Variants in C1orf21 observed in about 807,000 individuals in gnomAD.
The protein encoded by C1orf21 is uncharacterized protein C1orf21.
C1orf21 carries 3 observed loss-of-function variants against 18.7 expected under a neutral mutation model. That is an observed-to-expected ratio of 0.16 (90% confidence interval 0.07 to 0.42). The LOEUF (loss-of-function observed/expected upper bound fraction) is 0.42, where lower values mean the gene tolerates loss of function less well. Ranked by LOEUF, C1orf21 falls within the 10% of genes least tolerant of loss-of-function variation. The pLI, the probability that C1orf21 is intolerant of heterozygous loss-of-function variation, is 0.99. For missense variants in C1orf21, 104 were observed against 143.6 expected (o/e 0.72, Z 1.41); for synonymous variants, 41 against 46.4 (o/e 0.88, Z 0.47).
At chr1:184,411,050 C>T (rs1011263016) in intron 1 of C1orf21, among the ~76,000 whole-genome samples, 3 of 151,916 alleles carry the variant, frequency 2.0e-5, no homozygotes, top group East Asian at 1.9e-4. Flanking sequence ...GAAATAGTTC[C>T]GATTTGGAGA....
chr1:184,424,697 C>G (rs150194694), intron 1 of C1orf21, among the ~76,000 whole-genome samples: 49 of 152,214 alleles, frequency 3.2e-4, no homozygotes, highest in Non-Finnish European at 5.0e-4. Context: ...TATGCTAATA[C>G]TAAGATAGGG....
At chr1:184,451,135 C>G (rs951617084) in intron 1 of C1orf21, among the ~76,000 whole-genome samples, 3 of 152,190 alleles carry the variant, frequency 2.0e-5, no homozygotes, top group Non-Finnish European at 2.9e-5. Context: ...GCCTCGGCCT[C>G]CCAAACTGCT....
chr1:184,393,673 T>A (rs1382502680), intron 1 of C1orf21, among the ~76,000 whole-genome samples: 1 of 152,212 alleles, frequency 6.6e-6, no homozygotes, highest in Non-Finnish European at 1.5e-5. Flanking sequence ...AAAGGAAATA[T>A]CTTGATGATT....
At chr1:184,579,387 T>G (rs1277767134) in intron 3 of C1orf21, among the ~76,000 whole-genome samples, 3 of 124,548 alleles carry the variant, frequency 2.4e-5, no homozygotes, top group South Asian at 2.5e-4. Flanking sequence ...GGGTTTTTTT[T>G]TTTTTTTTTT....
chr1:184,425,258 T>C (rs1161485980), intron 1 of C1orf21, among the ~76,000 whole-genome samples: 1 of 150,612 alleles, frequency 6.6e-6, no homozygotes, highest in Admixed American at 6.6e-5. Context: ...TTGATGATAA[T>C]CCTGATATCT....
intron 2 of C1orf21, among the ~76,000 whole-genome samples, chr1:184,490,382 G>A (rs1256810493): frequency 2.0e-5 from 3 of 152,228 alleles, no homozygotes; most frequent in African/African-American, 7.2e-5. Context: ...CTTGTAAAGA[G>A]GATGATTAAA....
At chr1:184,581,999 G>A (rs1391429080) in intron 3 of C1orf21, among the ~76,000 whole-genome samples, 2 of 152,158 alleles carry the variant, frequency 1.3e-5, no homozygotes, top group Non-Finnish European at 2.9e-5. Flanking sequence ...TGTAATGGAA[G>A]TATTGACTTC....
chr1:184,506,843 C>T (rs183209962), intron 2 of C1orf21, among the ~76,000 whole-genome samples: 148 of 152,096 alleles, frequency 9.7e-4, no homozygotes, highest in Middle Eastern at 3.4e-3. Flanking sequence ...CTGGCTGTTG[C>T]GGAGGCTAGG....
At chr1:184,398,285 G>A (rs2101955717) in intron 1 of C1orf21, among the ~76,000 whole-genome samples, 1 of 152,202 alleles carries the variant, frequency 6.6e-6, no homozygotes, top group East Asian at 1.9e-4. Flanking sequence ...ACCCACTACT[G>A]TTACCTCTTC....
At position 184,506,086 on chromosome 1, in the gene C1orf21, C is replaced by T. The variant is rs116578850; in HGVS notation, c.95-1502C>T. ...TATTGTAATTGTGGATCAGAATCTG[C>T]TGATTAACTTGTTAATATATTTAGG... is the stretch of plus-strand genomic sequence containing the variant. On this transcript the variant is annotated intron_variant, in intron 2 of 5. Transcript: ENST00000235307. 2.6e-3 allele frequency among the ~76,000 whole-genome samples: 401 copies of T among 152,192 alleles called. 1 individual carries two copies. The highest frequency in any genetic ancestry group is 9.2e-3 in the African/African-American group (382 of 41,534).
intron 1 of C1orf21, among the ~76,000 whole-genome samples, chr1:184,428,357 C>T (rs934199539): frequency 6.6e-6 from 1 of 152,140 alleles, no homozygotes; most frequent in Non-Finnish European, 1.5e-5. Flanking sequence ...CTTCAATGAA[C>T]AGCTGAGAAG....
chr1:184,608,208 A>G (rs1356075340), intron 5 of C1orf21, among the ~76,000 whole-genome samples: 3 of 152,216 alleles, frequency 2.0e-5, no homozygotes, highest in South Asian at 2.1e-4. Flanking sequence ...GTGGGAATAT[A>G]GTGTCTTTAC....
At chr1:184,396,222 A>T (rs1292133210) in intron 1 of C1orf21, among the ~76,000 whole-genome samples, 1 of 152,204 alleles carries the variant, frequency 6.6e-6, no homozygotes, top group Non-Finnish European at 1.5e-5. Flanking sequence ...CTGAAAGATT[A>T]TAAAGAGAGA....
rs1334050003 is a variant in C1orf21 at position 184,625,221 on chromosome 1, A to C, written c.*5665A>C. The stretch of plus-strand genomic sequence containing the variant: ...ATTTGATTGAGTAAGACTTAGAGGC[A>C]GTATAAAGAACACCATAAACTTAGG... On this transcript the variant is annotated 3_prime_UTR_variant, in exon 6 of 6. Coordinates refer to ENST00000235307, the MANE Select transcript of C1orf21 (RefSeq NM_030806.4). The C allele has an allele frequency of 6.6e-6, 1 of 152,278 alleles. No homozygotes were observed. The highest frequency in any genetic ancestry group is 2.4e-5 in the African/African-American group (1 of 41,448). 9.4% of individuals were successfully genotyped at this position (152,278 alleles called of 1,614,324 possible).
At chr1:184,410,206 A>T (rs1338537646) in intron 1 of C1orf21, among the ~76,000 whole-genome samples, 1 of 152,182 alleles carries the variant, frequency 6.6e-6, no homozygotes, top group Non-Finnish European at 1.5e-5. Flanking sequence ...CAATGTCCTG[A>T]TAATTATATC....
intron 5 of C1orf21, among the ~76,000 whole-genome samples, chr1:184,618,643 C>CG (rs1235289328): frequency 1.6e-4 from 24 of 147,306 alleles, no homozygotes; most frequent in Non-Finnish European, 3.5e-4. Context: ...CATTCCCCCC[C>CG]CCCAAGAAAA....
At chr1:184,408,985 G>C (rs1209610400) in intron 1 of C1orf21, among the ~76,000 whole-genome samples, 1 of 152,214 alleles carries the variant, frequency 6.6e-6, no homozygotes, top group East Asian at 1.9e-4. Flanking sequence ...GACCTAATGG[G>C]TTTGGATGTC....
intron 3 of C1orf21, among the ~76,000 whole-genome samples, chr1:184,524,260 C>G (rs2101970464): frequency 6.6e-6 from 1 of 152,174 alleles, no homozygotes; most frequent in African/African-American, 2.4e-5. Flanking sequence ...TCATACATTT[C>G]CCTTTGACTG....
At chr1:184,547,420 C>CTT (rs34169321) in intron 3 of C1orf21, among the ~76,000 whole-genome samples, 2,855 of 102,888 alleles carry the variant, frequency 0.028, 234 homozygotes, top group African/African-American at 0.12. Context: ...TACATCCAGA[C>CTT]TTTTTTTTTT....
Sources: allele counts gnomAD v4.1 joint callset (sites outside exome capture counted in the v4.1 genomes callset), GRCh38; gene constraint gnomAD v4.1.1; transcripts MANE v1.5; gene names NCBI Gene and HGNC (gene_info 2026-07-23, HGNC 2026-07-21).